Variants in AVPR1B observed in about 807,000 individuals in gnomAD.
AVPR1B encodes vasopressin V1b receptor.
Under a neutral mutation model 27.5 loss-of-function variants are expected in AVPR1B, and 25 were observed. The ratio of observed to expected loss-of-function variants is 0.91; its 90% CI spans 0.66 to 1.27. The LOEUF (loss-of-function observed/expected upper bound fraction) is 1.27. Among genes scored for constraint, AVPR1B ranks in the 50% most tolerant of loss-of-function variants. The pLI, the probability that AVPR1B is intolerant of heterozygous loss-of-function variation, is 0.00. For missense variants in AVPR1B, 595 were observed against 556.9 expected (o/e 1.07, Z -0.69); for synonymous variants, 248 against 240.2 (o/e 1.03, Z -0.30).
At chr1:206,114,950 T>C (rs1279790842) in intron 1 of AVPR1B, among the ~76,000 whole-genome samples, 1 of 152,126 alleles carries the variant, frequency 6.6e-6, no homozygotes, top group Non-Finnish European at 1.5e-5. Flanking sequence ...ACAAAAGTTA[T>C]ATGAAGTGAG....
intron 1 of AVPR1B, among the ~76,000 whole-genome samples, chr1:206,111,330 C>T (rs1436262640): frequency 6.6e-6 from 1 of 152,222 alleles, no homozygotes; most frequent in African/African-American, 2.4e-5. Flanking sequence ...CTATAAGATT[C>T]CTTCCAGACA....
rs1227167991 is a variant in AVPR1B, at chr1:206,109,603, A to C, written c.*586T>G. The C allele has an allele frequency of 6.5e-6, 1 of 153,352 alleles. No homozygotes were observed. The highest frequency in any genetic ancestry group is 1.4e-5 in the Non-Finnish European group (1 of 69,000). 9.5% of individuals were successfully genotyped at this position (153,352 alleles called of 1,614,324 possible). The stretch of plus-strand genomic sequence containing the variant: ...TACCAGGTACTATACTGAATCCTGC[A>C]TCTCCATGAGACCATCTCCCTTCAA... On this transcript the variant is annotated 3_prime_UTR_variant, in exon 2 of 2. Transcript: ENST00000367126.
chr1:206,116,555 G>A lies in AVPR1B; in HGVS notation c.336C>T (p.Tyr112=), dbSNP rs903937865. The A allele has an allele frequency of 2.9e-5, 47 of 1,614,082 alleles. No individual in the cohort carries two copies. The highest frequency in any genetic ancestry group is 3.8e-5 in the Non-Finnish European group (45 of 1,180,042). Residue 112 remains tyrosine (Y), a synonymous_variant, in exon 1 of 2, where the codon TAC becomes TAT. Transcript: ENST00000367126. ...GPDLLCRAVK[Y]LQVLSMFAST... ...AGGCAAACATGCTGAGCACCTGCAG[G>A]TACTTGACGGCCCTGCACAGGAGGT... is the stretch of plus-strand genomic sequence containing the variant.
chr1:206,116,511 G>C lies in AVPR1B; in HGVS notation c.380C>G (p.Ala127Gly), dbSNP rs1663476122. 6.2e-7 allele frequency: 1 copy of C among 1,613,970 alleles called. No homozygotes were observed. Among genetic ancestry groups the C allele is most frequent in the African/African-American group, 1.3e-5 (1 of 74,916 alleles). ...SMFASTYMLL[A>G]MTLDRYLAVC... ...AGCCAGGTAGCGGTCCAGCGTCATG[G>C]CCAGCAGCATGTAGGTGGAGGCAAA... The change falls in exon 1 of 2, where the codon GCC becomes GGC. Residue 127 changes from alanine to glycine, a missense_variant. Ala to Gly is a moderately conservative substitution (Grantham distance 60, BLOSUM62 0). Coordinates refer to ENST00000367126, the MANE Select transcript of AVPR1B (RefSeq NM_000707.5).
chr1:206,116,250 A>G lies in AVPR1B; in HGVS notation c.641T>C (p.Met214Thr), dbSNP rs1553290499. Residue 214 changes from methionine (M) to threonine (T), a missense_variant, in exon 1 of 2, where the codon ATG (methionine) becomes ACG (threonine). Physicochemically the swap from Met to Thr is moderately conservative, Grantham distance 81. Coordinates refer to ENST00000367126, the MANE Select transcript of AVPR1B (RefSeq NM_000707.5). ...GATGAGGCTGTAGCAGGCCGTGAGC[A>G]TGGTCACCGGCAGAACGAAGATAGC... ...TLAIFVLPVT[M>T]LTACYSLICH... The G allele has an allele frequency of 1.9e-6, 3 of 1,613,598 alleles. No individual in the cohort carries two copies. The highest frequency in any genetic ancestry group is 1.1e-5 in the South Asian group (1 of 91,082).
In AVPR1B at chr1:206,116,681, G is replaced by T. The variant is rs1663481727; in HGVS notation, c.210C>A (p.His70Gln). The change falls in exon 1 of 2, where the codon CAC becomes CAA. Residue 70 changes from histidine (H) to glutamine (Q), a missense_variant. Coordinates refer to ENST00000367126, the MANE Select transcript of AVPR1B (RefSeq NM_000707.5). ...GQLGRKRSRM[H>Q]LFVLHLALTD... ...TCAGGGCTAAGTGCAGCACGAACAG[G>T]TGCATGCGGGAGCGCTTGCGGCCCA... 2 of 1,609,854 alleles carry T rather than the reference G, an allele frequency of 1.2e-6. No individual in the cohort carries two copies.
rs1553289584 is a variant in AVPR1B at position 206,110,317 on chromosome 1, A to T, written c.1147T>A (p.Ser383Thr). Residue 383 changes from serine (S) to threonine (T), a missense_variant, in exon 2 of 2, where the codon TCC becomes ACC. Ser to Thr is a moderately conservative substitution (Grantham distance 58, BLOSUM62 1). Coordinates refer to ENST00000367126, the MANE Select transcript of AVPR1B (RefSeq NM_000707.5). ...SSRHTTLLTR[S>T]SCPATLSLSL... is the part of the protein sequence containing the mutation. ...AGGCTGAGGGTGGCCGGGCAGCTGG[A>T]GCGGGTCAGCAGCGTGGTGTGGCGG... 6.2e-7 allele frequency: 1 copy of T among 1,613,322 alleles called. No homozygotes were observed. Among genetic ancestry groups the T allele is most frequent in the South Asian group, 1.1e-5 (1 of 91,034 alleles).
rs1663327315 is a variant in AVPR1B at position 206,109,112 on chromosome 1, T to C, written c.*1077A>G. 6.6e-6 allele frequency among the ~76,000 whole-genome samples: 1 copy of C among 152,156 alleles called. No homozygotes were observed. The highest frequency in any genetic ancestry group is 2.4e-5 in the African/African-American group (1 of 41,424). ...GAGATCATCTCACCTATTACACAGG[T>C]GAGGAGACTGGGTCCTGGAAAGGGA... On this transcript the variant is annotated 3_prime_UTR_variant, in exon 2 of 2. Transcript: ENST00000367126.
chr1:206,110,225 T>TGCCA lies in AVPR1B; in HGVS notation c.1235_1238dup (p.Asp414GlyfsTer8), dbSNP rs1553289553. The TGCCA allele has an allele frequency of 6.2e-7, 1 of 1,612,842 alleles. No homozygotes were observed. The highest frequency in any genetic ancestry group is 8.5e-7 in the Non-Finnish European group (1 of 1,178,982). ...TGGTCTCAGCGGTGCCTTCCCCATC[T>TGCCA]GCCAGCTCCAAGTCCCTTGGTGACT... On this transcript the variant is annotated frameshift_variant, in exon 2 of 2. Coordinates refer to ENST00000367126, the MANE Select transcript of AVPR1B (RefSeq NM_000707.5). LOFTEE classifies it high-confidence loss of function.
intron 1 of AVPR1B, among the ~76,000 whole-genome samples, chr1:206,114,069 G>A (rs912175456): frequency 6.6e-6 from 1 of 152,172 alleles, no homozygotes; most frequent in Admixed American, 6.5e-5. Context: ...AAGGAAGTTT[G>A]GTATTACTTT....
chr1:206,110,559 C>T, intron 1 of AVPR1B, 36 bp from the exon 2 acceptor site: 1 of 1,551,706 alleles, frequency 6.4e-7, no homozygotes, highest in Non-Finnish European at 8.8e-7. Flanking sequence ...CTCAGAATGG[C>T]AGCTCGAAGG....
At position 206,117,161 on chromosome 1, in the gene AVPR1B, A is replaced by T; in HGVS notation, c.-271T>A. On this transcript the variant is annotated 5_prime_UTR_variant, in exon 1 of 2. Transcript: ENST00000367126. ...GAAGATGGGGAATCAGGACGGGAAGAATGGGGGACGCTGTGCAGAGTGAGG... is the reference window on the plus strand; with the variant it reads ...GAAGATGGGGAATCAGGACGGGAAGTATGGGGGACGCTGTGCAGAGTGAGG... The T allele has an allele frequency of 4.2e-6, 2 of 472,026 alleles. No homozygotes were observed. The highest frequency in any genetic ancestry group is 6.3e-5 in the South Asian group (2 of 31,834). 29.2% of individuals were successfully genotyped at this position (472,026 alleles called of 1,614,324 possible).
In AVPR1B at chr1:206,107,346, T is replaced by C. The variant is rs1663295588; in HGVS notation, c.*2843A>G. 6.6e-6 allele frequency among the ~76,000 whole-genome samples: 1 copy of C among 152,110 alleles called. No homozygotes were observed. The highest frequency in any genetic ancestry group is 2.4e-5 in the African/African-American group (1 of 41,412). Reference sequence around the variant, plus strand: ...CACCCCAGAGAGCACAGAGCCTCCTTCTTGCTTCCACAGGGCCCCTCCTCC... The same window carrying C: ...CACCCCAGAGAGCACAGAGCCTCCTCCTTGCTTCCACAGGGCCCCTCCTCC... On this transcript the variant is annotated 3_prime_UTR_variant, in exon 2 of 2. Transcript: ENST00000367126.
chr1:206,112,893 G>A (rs1409952100), intron 1 of AVPR1B, among the ~76,000 whole-genome samples: 2 of 152,086 alleles, frequency 1.3e-5, no homozygotes, highest in African/African-American at 4.8e-5. Context: ...AATGCAAATG[G>A]ACTAACACAA....
chr1:206,111,004 G>T (rs1553289776), intron 1 of AVPR1B, among the ~76,000 whole-genome samples: 1 of 152,084 alleles, frequency 6.6e-6, no homozygotes. Flanking sequence ...TGGCCTCCTG[G>T]ACTCTGTCTC....
Position 206,116,279 on chromosome 1 carries a change from G to A in AVPR1B, c.612C>T (p.Thr204=), listed in dbSNP as rs782525406. ...TCACCGGCAGAACGAAGATAGCCAGGGTGGTCCAGGTGAGGTAGGCCCGTG... is the reference window on the plus strand; with the variant it reads ...TCACCGGCAGAACGAAGATAGCCAGAGTGGTCCAGGTGAGGTAGGCCCGTG... ...WGPRAYLTWT[T]LAIFVLPVTM... is the part of the protein sequence containing the mutation. Residue 204 remains threonine, a synonymous_variant, in exon 1 of 2, where the codon ACC becomes ACT. Coordinates refer to ENST00000367126, the MANE Select transcript of AVPR1B (RefSeq NM_000707.5). 4 of 1,613,494 alleles carry A rather than the reference G, an allele frequency of 2.5e-6. No homozygotes were observed. In the Admixed American group the frequency reaches 6.7e-5, roughly 27 times the overall value.
rs1160091937 is a variant in AVPR1B, at chr1:206,107,639, A to T, written c.*2550T>A. ...CCAAAGCCACCACCCCAAGTAAATT[A>T]TTCTTGTGCAATGCAAAACAGAAAA... On this transcript the variant is annotated 3_prime_UTR_variant, in exon 2 of 2. Transcript: ENST00000367126. Among the ~76,000 whole-genome samples, 1 of 152,256 alleles carries T rather than the reference A, an allele frequency of 6.6e-6. No homozygotes were observed. The highest frequency in any genetic ancestry group is 1.5e-5 in the Non-Finnish European group (1 of 68,044).
rs1663321948 is a variant in AVPR1B, at chr1:206,108,803, C to G, written c.*1386G>C. On this transcript the variant is annotated 3_prime_UTR_variant, in exon 2 of 2. Coordinates refer to ENST00000367126, the MANE Select transcript of AVPR1B (RefSeq NM_000707.5). Reference sequence around the variant, plus strand: ...GGGAAGCTATGCCATGATAAAAGTCCCCTGGAGATAATGAGCATGTGCCAT... The same window carrying G: ...GGGAAGCTATGCCATGATAAAAGTCGCCTGGAGATAATGAGCATGTGCCAT... Among the ~76,000 whole-genome samples the G allele has an allele frequency of 6.6e-6, 1 of 152,134 alleles. No individual in the cohort carries two copies. Among genetic ancestry groups the G allele is most frequent in the Non-Finnish European group, 1.5e-5 (1 of 68,020 alleles).
chr1:206,112,471 G>A (rs148336895), intron 1 of AVPR1B, among the ~76,000 whole-genome samples: 14 of 152,174 alleles, frequency 9.2e-5, no homozygotes, highest in African/African-American at 2.4e-4. Context: ...AGCAGATGCC[G>A]GCACTATTCT....
Sources: gnomAD v4.1 joint callset for allele counts (sites outside exome capture counted in the v4.1 genomes callset) on GRCh38, gnomAD v4.1.1 for gene constraint, MANE v1.5 for transcripts, NCBI Gene and HGNC (gene_info 2026-07-23, HGNC 2026-07-21) for gene names.